The following PRELID2 variants were observed in gnomAD, a reference collection of about 807,000 sequenced individuals.
PRELID2 encodes PRELI domain-containing protein 2.
A neutral mutation model predicts 28.4 loss-of-function variants in PRELID2; 25 were observed. The ratio of observed to expected loss-of-function variants is 0.88; its 90% CI spans 0.64 to 1.23. The LOEUF (loss-of-function observed/expected upper bound fraction) is 1.23. Among genes scored for constraint, PRELID2 ranks in the 50% most tolerant of loss-of-function variants. The pLI, the probability that PRELID2 is intolerant of heterozygous loss-of-function variation, is 0.00. For synonymous variants in PRELID2, 76 were observed against 71.6 expected, an observed-to-expected ratio of 1.06 and a Z score of -0.31; for missense variants, 201 against 214.4, an observed-to-expected ratio of 0.94 and a Z score of 0.39.
At chr5:145,525,539 G>A (rs192697763) in intron 1 of PRELID2, among the ~76,000 whole-genome samples, 143 of 152,210 alleles carry the variant, frequency 9.4e-4, no homozygotes, top group African/African-American at 3.2e-3. Flanking sequence ...AAACTTTCTT[G>A]TTCTTGGACT....
At chr5:145,238,101 A>G in the PRELID2 span, among the ~76,000 whole-genome samples, 2 of 152,110 alleles carry the variant, frequency 1.3e-5, no homozygotes, top group Admixed American at 6.6e-5. Flanking sequence ...AGCGCCACCT[A>G]GAGTTCACTG....
At chr5:145,645,500 G>T (rs1044661510) in intron 1 of PRELID2, among the ~76,000 whole-genome samples, 5 of 151,942 alleles carry the variant, frequency 3.3e-5, no homozygotes. Flanking sequence ...TTGCCAGTCT[G>T]TGTCTTTTAA....
At chr5:145,703,549 G>C (rs1407546431) in intron 1 of PRELID2, among the ~76,000 whole-genome samples, 1 of 152,160 alleles carries the variant, frequency 6.6e-6, no homozygotes, top group Non-Finnish European at 1.5e-5. Flanking sequence ...GCCAGGTCTT[G>C]GGATCCCTTT....
chr5:145,591,279 G>C lies in PRELID2; in HGVS notation n.71-117964C>G, dbSNP rs1305651653. On this transcript the variant is annotated intron_variant and non_coding_transcript_variant, in intron 1 of 2. Coordinates refer to the PRELID2 transcript ENST00000510259. The stretch of plus-strand genomic sequence containing the variant: ...CCACTGCACTCCAGCCTGAGTGATA[G>C]AGCGAGACTGTGTCTCAAAAAAAAA... 5.4e-5 allele frequency among the ~76,000 whole-genome samples: 8 copies of C among 149,290 alleles called. No individual in the cohort carries two copies. The South Asian group carries it at 1.5e-3, about 27-fold the overall frequency.
the PRELID2 span, among the ~76,000 whole-genome samples, chr5:145,230,770 G>C: frequency 2.0e-5 from 3 of 152,142 alleles, no homozygotes; most frequent in South Asian, 6.2e-4. Flanking sequence ...TTTTCAAGAG[G>C]CTGTGCTCAA....
chr5:145,343,072 G>T, the PRELID2 span, among the ~76,000 whole-genome samples: 1 of 151,718 alleles, frequency 6.6e-6, no homozygotes, highest in Non-Finnish European at 1.5e-5. Flanking sequence ...AATAACAGTG[G>T]GGGATTTTAA....
At chr5:145,263,965 A>G in the PRELID2 span, among the ~76,000 whole-genome samples, 1 of 152,134 alleles carries the variant, frequency 6.6e-6, no homozygotes. Context: ...ATCTCTGTTC[A>G]CTACAACCTC....
At chr5:145,258,306 G>A in the PRELID2 span, among the ~76,000 whole-genome samples, 1 of 152,316 alleles carries the variant, frequency 6.6e-6, no homozygotes, top group South Asian at 2.1e-4. Context: ...ACAGGCAGAG[G>A]TTAGAAGAGT....
At chr5:145,456,574 A>G in the PRELID2 span, among the ~76,000 whole-genome samples, 5 of 152,218 alleles carry the variant, frequency 3.3e-5, no homozygotes, top group South Asian at 1.0e-3. Context: ...TATTGTTTTC[A>G]CAGTACTTAT....
intron 1 of PRELID2, among the ~76,000 whole-genome samples, chr5:145,695,936 C>A (rs1581066875): frequency 6.6e-6 from 1 of 152,082 alleles, no homozygotes; most frequent in East Asian, 1.9e-4. Context: ...GGGAGAATCA[C>A]TGGGGTCCAT....
chr5:145,671,482 T>A (rs77211677), intron 1 of PRELID2, among the ~76,000 whole-genome samples: 1 of 152,186 alleles, frequency 6.6e-6, no homozygotes, highest in African/African-American at 2.4e-5. Flanking sequence ...CACTTAGTTT[T>A]GACAACAAAG....
chr5:145,482,537 C>T (rs899399730), intron 1 of PRELID2, among the ~76,000 whole-genome samples: 2 of 152,068 alleles, frequency 1.3e-5, no homozygotes, highest in African/African-American at 2.4e-5. Flanking sequence ...CATTATCTCA[C>T]ACAGCAGCGG....
chr5:145,604,163 C>T (rs1032495858), intron 1 of PRELID2, among the ~76,000 whole-genome samples: 21 of 151,934 alleles, frequency 1.4e-4, no homozygotes, highest in Admixed American at 2.6e-4. Context: ...TTGTGTGTCA[C>T]GAGGGTCTGA....
Position 145,819,997 on chromosome 5 carries a change from T to C in PRELID2, c.155A>G (p.Tyr52Cys), listed in dbSNP as rs868267543. Residue 52 changes from tyrosine (Y) to cysteine (C), a missense_variant, in exon 3 of 7, where the codon TAC (tyrosine) becomes TGC (cysteine). By Grantham distance (194) the Tyr-to-Cys change is radical. Coordinates refer to ENST00000683046, the MANE Select transcript of PRELID2 (RefSeq NM_205846.3). ...CTGACAGATTGCAATCCTCTTTCTG[T>C]AGATGACCCCTGTTGATTCATCTAA... Reference protein sequence around the residue: ...EKRDESTGVIYRKRIAICQNV... With the variant: ...EKRDESTGVICRKRIAICQNV... 1 of 1,603,870 alleles carries C rather than the reference T, an allele frequency of 6.2e-7. No individual in the cohort carries two copies. The highest frequency in any genetic ancestry group is 1.7e-5 in the Admixed American group (1 of 59,168).
At chr5:145,576,863 C>G (rs10041201) in intron 1 of PRELID2, among the ~76,000 whole-genome samples, 1,545 of 152,052 alleles carry the variant, frequency 0.01, 24 homozygotes, top group African/African-American at 0.035. Context: ...ATAGATATCC[C>G]AATTAACTTG....
intron 1 of PRELID2, among the ~76,000 whole-genome samples, chr5:145,675,712 G>A (rs944221072): frequency 2.0e-5 from 3 of 151,998 alleles, no homozygotes; most frequent in African/African-American, 7.3e-5. Flanking sequence ...AGTTGAGAGT[G>A]GTTTTACATT....
the PRELID2 span, among the ~76,000 whole-genome samples, chr5:145,315,669 G>A: frequency 6.6e-6 from 1 of 150,894 alleles, no homozygotes; most frequent in Non-Finnish European, 1.5e-5. Context: ...TTTTAATGTA[G>A]CTGACAAGAG....
the PRELID2 span, among the ~76,000 whole-genome samples, chr5:145,385,463 G>C: frequency 6.6e-6 from 1 of 152,192 alleles, no homozygotes; most frequent in Admixed American, 6.5e-5. Flanking sequence ...AGAAGCGATA[G>C]TTGCCTGGGC....
chr5:145,815,526 C>T (rs1251356165), intron 4 of PRELID2, among the ~76,000 whole-genome samples: 1 of 152,134 alleles, frequency 6.6e-6, no homozygotes, highest in Non-Finnish European at 1.5e-5. Context: ...TTTCATCACC[C>T]CAAAAAAGAA....
Sources: gnomAD v4.1 joint callset for allele counts (sites outside exome capture counted in the v4.1 genomes callset) on GRCh38, gnomAD v4.1.1 for gene constraint, MANE v1.5 for transcripts, NCBI Gene and HGNC (gene_info 2026-07-23, HGNC 2026-07-21) for gene names.